The following SENP6 variants were observed in gnomAD, a reference collection of about 807,000 sequenced individuals.
SENP6 encodes SUMO specific peptidase 6.
A neutral mutation model predicts 134.5 loss-of-function variants in SENP6; 41 were observed. The ratio of observed to expected loss-of-function variants is 0.30; its 90% CI spans 0.24 to 0.40. SENP6 has a LOEUF of 0.40. SENP6 is among the 10% of genes least tolerant of loss of function. SENP6 has a pLI of 1.00. For synonymous variants in SENP6, 395 were observed against 429.8 expected (o/e 0.92, Z 1.00); for missense variants, 1,248 against 1,312.5 (o/e 0.95, Z 0.76).
Position 75,623,882 on chromosome 6 carries a change from C to A in SENP6, c.147-18C>A. On this transcript the variant is annotated intron_variant, in intron 2 of 23. Transcript: ENST00000447266. The stretch of plus-strand genomic sequence containing the variant: ...TGTGATTGCTACTTATGTTTTTTTC[C>A]CCTTATTTTCTGTGTAGTGGGACAA... 6.3e-7 allele frequency: 1 copy of A among 1,579,012 alleles called. No individual in the cohort carries two copies. The highest frequency in any genetic ancestry group is 1.2e-5 in the South Asian group (1 of 84,872).
rs754352104 is a variant in SENP6, at chr6:75,663,296, C to G, written c.772C>G (p.Gln258Glu). 2.5e-6 allele frequency: 4 copies of G among 1,613,474 alleles called. No homozygotes were observed. Among genetic ancestry groups the G allele is most frequent in the Non-Finnish European group, 3.4e-6 (4 of 1,179,584 alleles). Residue 258 changes from glutamine (Q) to glutamate (E), a missense_variant, in exon 9 of 24, where the codon CAG (glutamine) becomes GAG (glutamate). Gln to Glu is a conservative substitution (Grantham distance 29). Around this residue, in one of 3 missense-constraint regions of SENP6, gnomAD observed 733 missense variants for 725.4 expected, o/e 1.01. Coordinates refer to ENST00000447266, the MANE Select transcript of SENP6 (RefSeq NM_015571.4). ...TGPLLRTSIH[Q>E]NSGGQKSQNT... ...ACCATTATTAAGAACGTCAATTCAT[C>G]AGAATTCTGGAGGACAGAAGTCACA...
chr6:75,693,832 A>G (rs1052266359), intron 16 of SENP6, among the ~76,000 whole-genome samples: 5 of 152,202 alleles, frequency 3.3e-5, no homozygotes, highest in Admixed American at 3.3e-4. Context: ...ATAAGCTTGA[A>G]CTTGCATAAG....
intron 3 of SENP6, among the ~76,000 whole-genome samples, chr6:75,631,563 C>A (rs973676078): frequency 1.3e-5 from 2 of 152,106 alleles, no homozygotes; most frequent in South Asian, 4.1e-4. Flanking sequence ...AAGAAAGAAT[C>A]AAATGAATTC....
intron 16 of SENP6, among the ~76,000 whole-genome samples, chr6:75,694,122 G>T (rs1774489923): frequency 6.6e-6 from 1 of 152,102 alleles, no homozygotes; most frequent in Non-Finnish European, 1.5e-5. Flanking sequence ...CTGGCATGGT[G>T]GTCCATGCCT....
chr6:75,689,592 C>T (rs554090740), intron 16 of SENP6, among the ~76,000 whole-genome samples: 2 of 152,254 alleles, frequency 1.3e-5, no homozygotes, highest in East Asian at 3.9e-4. Context: ...TGCCACATAA[C>T]GTTTCAGTCA....
At chr6:75,667,345 A>G (rs1025168201) in intron 10 of SENP6, among the ~76,000 whole-genome samples, 3 of 152,206 alleles carry the variant, frequency 2.0e-5, no homozygotes, top group African/African-American at 4.8e-5. Context: ...AACGATGTCA[A>G]TAGACAGTGT....
Position 75,713,567 on chromosome 6 carries a change from C to T in SENP6, c.2964C>T (p.Val988=), listed in dbSNP as rs1775874872. The T allele has an allele frequency of 2.5e-6, 4 of 1,613,472 alleles. No homozygotes were observed. The highest frequency in any genetic ancestry group is 3.4e-6 in the Non-Finnish European group (4 of 1,179,756). ...SLRGPSRSNV[V]KILREYLEVE... ...GAGGCCCTTCTCGGTCAAATGTTGT[C>T]AAAATTTTAAGAGAGTAAGTTCACA... The change falls in exon 22 of 24, where the codon GTC becomes GTT. Residue 988 remains valine, a synonymous_variant. Coordinates refer to ENST00000447266, the MANE Select transcript of SENP6 (RefSeq NM_015571.4).
At chr6:75,652,815 T>C (rs1181891716) in intron 7 of SENP6, among the ~76,000 whole-genome samples, 1 of 152,136 alleles carries the variant, frequency 6.6e-6, no homozygotes. Flanking sequence ...ATCATTCTTT[T>C]AGTTTTTGCC....
chr6:75,611,530 A>G (rs1424759601), intron 1 of SENP6: 5 of 152,140 alleles, frequency 3.3e-5, no homozygotes, highest in East Asian at 1.9e-4. Flanking sequence ...GTGTTTCTCA[A>G]ATTTCATTGG....
chr6:75,640,650 C>A, intron 5 of SENP6, 34 bp from the exon 6 acceptor site: 1 of 1,473,088 alleles, frequency 6.8e-7, no homozygotes, highest in Admixed American at 2.1e-5. Context: ...TGAGGTCTTG[C>A]CTCTTATATT....
chr6:75,703,638 G>T (rs9350598), intron 19 of SENP6, among the ~76,000 whole-genome samples: 92,217 of 151,958 alleles, frequency 0.61, 28,339 homozygotes, highest in South Asian at 0.66. Context: ...GGTGCCCATC[G>T]GTGGTCCCAG....
intron 2 of SENP6, among the ~76,000 whole-genome samples, chr6:75,621,934 G>T (rs1377649205): frequency 1.3e-5 from 2 of 152,146 alleles, no homozygotes. Context: ...AAGGCATTCT[G>T]TTCAGGCAGC....
intron 1 of SENP6, among the ~76,000 whole-genome samples, chr6:75,610,187 T>A (rs1767337628): frequency 1.3e-5 from 2 of 152,216 alleles, no homozygotes; most frequent in African/African-American, 4.8e-5. Context: ...AAACTTTTCC[T>A]TCCTTTTGTT....
chr6:75,696,383 T>A (rs912468304), intron 17 of SENP6, among the ~76,000 whole-genome samples: 103 of 152,210 alleles, frequency 6.8e-4, no homozygotes, highest in African/African-American at 2.4e-3. Flanking sequence ...CCATAATATC[T>A]AAGAAAGGAA....
intron 6 of SENP6, among the ~76,000 whole-genome samples, chr6:75,644,479 T>C (rs1561999417): frequency 2.0e-5 from 3 of 151,512 alleles, no homozygotes; most frequent in East Asian, 1.9e-4. Context: ...TTCTTTCTTT[T>C]TTTTTTTTTT....
At chr6:75,639,733 A>G (rs62415572) in intron 5 of SENP6, among the ~76,000 whole-genome samples, 37,196 of 152,060 alleles carry the variant, frequency 0.24, 5,932 homozygotes, top group Non-Finnish European at 0.37. Flanking sequence ...ACTTGTGATA[A>G]GAAGCCAAGA....
intron 19 of SENP6, among the ~76,000 whole-genome samples, chr6:75,705,819 T>C (rs1435009313): frequency 6.6e-6 from 1 of 151,332 alleles, no homozygotes; most frequent in Non-Finnish European, 1.5e-5. Flanking sequence ...TAGAATAAAT[T>C]ATGTGAATTC....
intron 16 of SENP6, among the ~76,000 whole-genome samples, chr6:75,681,596 T>C (rs1215067488): frequency 6.6e-6 from 1 of 152,036 alleles, no homozygotes. Flanking sequence ...GTAGCTTGGA[T>C]TACAGGTACT....
intron 23 of SENP6, among the ~76,000 whole-genome samples, chr6:75,714,093 G>A (rs1775903904): frequency 1.3e-5 from 2 of 152,074 alleles, no homozygotes; most frequent in South Asian, 4.1e-4. Flanking sequence ...GCCACCTTAA[G>A]AAATCTCTCC....
Sources: gnomAD v4.1 joint callset for allele counts (sites outside exome capture counted in the v4.1 genomes callset) on GRCh38, gnomAD v4.1.1 for gene constraint, gnomAD v4.1.1 regional missense constraint, MANE v1.5 for transcripts, NCBI Gene and HGNC (gene_info 2026-07-23, HGNC 2026-07-21) for gene names.